The following LHCGR variants were observed in gnomAD, a reference collection of about 807,000 sequenced individuals.
LHCGR encodes luteinizing hormone/choriogonadotropin receptor, also known as lutropin-choriogonadotropic hormone receptor.
LHCGR carries 55 observed loss-of-function variants against 60.7 expected under a neutral mutation model. That is an observed-to-expected ratio of 0.91 (90% CI 0.73 to 1.13). The LOEUF (loss-of-function observed/expected upper bound fraction) is 1.13. Ranked by LOEUF, LHCGR falls within the 50% of genes most tolerant of loss-of-function variation. The pLI, the probability that LHCGR is intolerant of heterozygous loss-of-function variation, is 0.00. For synonymous variants in LHCGR, 337 were observed against 316.5 expected (o/e 1.06, Z -0.69); for missense variants, 862 against 836.0 (o/e 1.03, Z -0.38).
At chr2:48,745,786 T>C (rs1355550556) in intron 1 of LHCGR, among the ~76,000 whole-genome samples, 1 of 151,690 alleles carries the variant, frequency 6.6e-6, no homozygotes, top group Non-Finnish European at 1.5e-5. Context: ...GCATGGCACA[T>C]GTATACATAT....
chr2:48,701,468 CTG>C (rs1667404581), intron 8 of LHCGR, among the ~76,000 whole-genome samples: 1 of 152,172 alleles, frequency 6.6e-6, no homozygotes, highest in Non-Finnish European at 1.5e-5. Flanking sequence ...TTTGCTTTTG[CTG>C]TTCCCCCTCC....
chr2:48,741,896 C>T (rs1288394851), intron 1 of LHCGR, among the ~76,000 whole-genome samples: 1 of 151,816 alleles, frequency 6.6e-6, no homozygotes. Flanking sequence ...CACAGACTGG[C>T]AAATTGGATA....
chr2:48,714,156 G>A (rs1668126564), intron 6 of LHCGR, 102 bp from the exon 7 acceptor site: 3 of 785,996 alleles, frequency 3.8e-6, no homozygotes, highest in Non-Finnish European at 6.7e-6. Flanking sequence ...GGTTATTACA[G>A]GCATTCATAA....
intron 1 of LHCGR, chr2:48,733,298 C>T (rs1295709624): frequency 5.2e-6 from 1 of 193,270 alleles, no homozygotes; most frequent in Non-Finnish European, 1.1e-5. Context: ...AGGCAGCCTC[C>T]TCCTCCAAAT....
rs554117149 is a variant in LHCGR, at chr2:48,735,753, A to G, written c.162-4455T>C. 5.3e-5 allele frequency among the ~76,000 whole-genome samples: 8 copies of G among 152,332 alleles called. No homozygotes were observed. The East Asian group carries it at 1.5e-3, about 29-fold the overall frequency. On this transcript the variant is annotated intron_variant, in intron 1 of 10. Transcript: ENST00000294954. ...TGACGCACCAATTTCGCCAACTGCT[A>G]GGAAAGAGTGGGTGGCTGAAGCTCT...
chr2:48,713,024 C>T (rs956902795), intron 7 of LHCGR, among the ~76,000 whole-genome samples: 2 of 152,108 alleles, frequency 1.3e-5, no homozygotes, highest in African/African-American at 4.8e-5. Context: ...CTGTGCTACC[C>T]AACTTCAGAC....
chr2:48,715,038 C>G (rs938859579), intron 6 of LHCGR, among the ~76,000 whole-genome samples: 1 of 152,034 alleles, frequency 6.6e-6, no homozygotes, highest in Admixed American at 6.6e-5. Flanking sequence ...CATGGGCTAC[C>G]CATCCTCTTC....
At chr2:48,715,236 A>G (rs574931017) in intron 6 of LHCGR, among the ~76,000 whole-genome samples, 4 of 152,210 alleles carry the variant, frequency 2.6e-5, no homozygotes, top group Non-Finnish European at 5.9e-5. Context: ...CCTCCGTGAG[A>G]ACATATCCTC....
chr2:48,738,019 C>G (rs1669275100), intron 1 of LHCGR, among the ~76,000 whole-genome samples: 1 of 152,202 alleles, frequency 6.6e-6, no homozygotes, highest in Non-Finnish European at 1.5e-5. Context: ...CAGTACTGTT[C>G]ATTTGGATGT....
At chr2:48,695,551 C>T (rs772414516) in intron 9 of LHCGR, among the ~76,000 whole-genome samples, 1 of 152,106 alleles carries the variant, frequency 6.6e-6, no homozygotes, top group Non-Finnish European at 1.5e-5. Flanking sequence ...TCTCATTACT[C>T]GGTATATACC....
At chr2:48,743,015 C>T (rs1424704127) in intron 1 of LHCGR, among the ~76,000 whole-genome samples, 1 of 151,990 alleles carries the variant, frequency 6.6e-6, no homozygotes, top group Non-Finnish European at 1.5e-5. Context: ...GGGGATATCA[C>T]CACCGATCCC....
intron 10 of LHCGR, 65 bp downstream of exon 10, chr2:48,694,159 G>T: frequency 1.1e-6 from 1 of 945,404 alleles, no homozygotes; most frequent in Non-Finnish European, 1.7e-6. Flanking sequence ...AATAATTGAT[G>T]CTGATAATAA....
At chr2:48,714,796 T>A (rs1341359113) in intron 6 of LHCGR, among the ~76,000 whole-genome samples, 3 of 151,822 alleles carry the variant, frequency 2.0e-5, no homozygotes, top group Non-Finnish European at 4.4e-5. Context: ...GAATAAGACA[T>A]AAGAGGATCC....
At chr2:48,715,509 G>A (rs1459017043) in intron 6 of LHCGR, among the ~76,000 whole-genome samples, 1 of 152,184 alleles carries the variant, frequency 6.6e-6, no homozygotes, top group African/African-American at 2.4e-5. Context: ...CTGGAAGCTG[G>A]CCAGGGACAG....
At chr2:48,694,409 C>T (rs1452950654) in intron 9 of LHCGR, 105 bp from the exon 10 acceptor site, 12 of 725,136 alleles carry the variant, frequency 1.7e-5, no homozygotes, top group Non-Finnish European at 2.7e-5. Context: ...TTACCTATTA[C>T]ACCAGCATCT....
Position 48,694,238 on chromosome 2 carries a change from C to T in LHCGR, c.933G>A (p.Val311=), listed in dbSNP as rs1438679350. 1.3e-6 allele frequency: 2 copies of T among 1,580,928 alleles called. No individual in the cohort carries two copies. Among genetic ancestry groups the T allele is most frequent in the Non-Finnish European group, 1.7e-6 (2 of 1,152,866 alleles). The change falls in exon 10 of 11, where the codon GTG becomes GTA. Residue 311 remains valine (V), a synonymous_variant. Transcript: ENST00000294954. ...SKQCESTVRK[V]NNKTLYSSML... The stretch of plus-strand genomic sequence containing the variant: ...CAAATACTTACAGTGTTTTGTTATT[C>T]ACTTTCCTTACTGTGCTTTCACATT...
intron 3 of LHCGR, among the ~76,000 whole-genome samples, chr2:48,728,918 C>T (rs1200284191): frequency 6.6e-6 from 1 of 152,144 alleles, no homozygotes; most frequent in Non-Finnish European, 1.5e-5. Flanking sequence ...TAATTTCTAT[C>T]TTTGTGTTGT....
At chr2:48,694,091 T>A in intron 10 of LHCGR, 133 bp downstream of exon 10, 1 of 673,544 alleles carries the variant, frequency 1.5e-6, no homozygotes. Context: ...ATTCCCATTT[T>A]AAAACTATTA....
intron 1 of LHCGR, chr2:48,733,252 C>T (rs1669085092): frequency 1.0e-5 from 2 of 196,180 alleles, no homozygotes; most frequent in South Asian, 8.9e-5. Flanking sequence ...GCTGTTTATT[C>T]ATGCAAATGG....
Sources: allele counts gnomAD v4.1 joint callset (sites outside exome capture counted in the v4.1 genomes callset), GRCh38; gene constraint gnomAD v4.1.1; transcripts MANE v1.5; gene names NCBI Gene and HGNC (gene_info 2026-07-23, HGNC 2026-07-21).